FBXL7: variants seen among roughly 807,000 people sequenced by gnomAD.
FBXL7 encodes F-box and leucine rich repeat protein 7.
Under a neutral mutation model 38.3 loss-of-function variants are expected in FBXL7, and 12 were observed. The observed-to-expected ratio is 0.31, with a 90% CI of 0.20 to 0.51. The LOEUF is 0.51. FBXL7 is among the 20% of genes least tolerant of loss of function. The pLI is 0.98. For synonymous variants in FBXL7, 297 were observed against 300.9 expected, an observed-to-expected ratio of 0.99 and a Z score of 0.13; for missense variants, 567 against 676.4, an observed-to-expected ratio of 0.84 and a Z score of 1.79.
Position 15,773,182 on chromosome 5 carries a change from A to G in FBXL7, c.128-154708A>G, listed in dbSNP as rs187278099. On this transcript the variant is annotated intron_variant, in intron 2 of 3. Coordinates refer to ENST00000504595, the MANE Select transcript of FBXL7 (RefSeq NM_012304.5). ...CCCAAATCCTGGGATCACTGACCTG[A>G]GCAAACAAGCCTGGCTGTGACCCTT... 3.3e-3 allele frequency among the ~76,000 whole-genome samples: 505 copies of G among 152,248 alleles called. 1 individual carries two copies. The highest frequency in any genetic ancestry group is 5.6e-3 in the Non-Finnish European group (378 of 68,008).
intron 2 of FBXL7, among the ~76,000 whole-genome samples, chr5:15,896,420 A>G (rs1343582264): frequency 5.9e-5 from 9 of 152,204 alleles, no homozygotes; most frequent in African/African-American, 1.9e-4. Context: ...TGTTGAAAAA[A>G]GCCTCTAAAA....
intron 1 of FBXL7, among the ~76,000 whole-genome samples, chr5:15,594,064 A>G (rs1739550810): frequency 6.6e-6 from 1 of 152,226 alleles, no homozygotes; most frequent in Non-Finnish European, 1.5e-5. Context: ...GACTTTGTCC[A>G]GTGCTCACAA....
intron 2 of FBXL7, among the ~76,000 whole-genome samples, chr5:15,874,190 G>A (rs1163975500): frequency 1.3e-5 from 2 of 152,184 alleles, no homozygotes; most frequent in Admixed American, 1.3e-4. Flanking sequence ...CTCAAAAGAT[G>A]CAGAAAAAGC....
At chr5:15,524,151 A>T (rs149991557) in intron 1 of FBXL7, among the ~76,000 whole-genome samples, 1 of 152,336 alleles carries the variant, frequency 6.6e-6, no homozygotes, top group East Asian at 1.9e-4. Context: ...CCATCTGTCC[A>T]CTAAGAAGCA....
chr5:15,726,882 C>T (rs1005256314), intron 2 of FBXL7, among the ~76,000 whole-genome samples: 1 of 151,572 alleles, frequency 6.6e-6, no homozygotes, highest in African/African-American at 2.4e-5. Flanking sequence ...TTCTACATGC[C>T]ATATAGCTTT....
chr5:15,609,514 G>C (rs192966857), intron 1 of FBXL7, among the ~76,000 whole-genome samples: 151 of 152,330 alleles, frequency 9.9e-4, no homozygotes, highest in African/African-American at 3.4e-3. Context: ...CACTGTGCCA[G>C]TGTTTCTTAT....
intron 1 of FBXL7, among the ~76,000 whole-genome samples, chr5:15,541,473 ATATAT>A (rs1737750749): frequency 3.9e-5 from 5 of 128,346 alleles, no homozygotes; most frequent in Admixed American, 3.2e-4. Flanking sequence ...ATATATATAT[ATATAT>A]ATAAAGGTAT....
intron 2 of FBXL7, among the ~76,000 whole-genome samples, chr5:15,793,134 G>A (rs1241739145): frequency 6.6e-6 from 1 of 152,166 alleles, no homozygotes; most frequent in Non-Finnish European, 1.5e-5. Context: ...GCAGTGCGGT[G>A]CCACCATGTT....
At chr5:15,654,269 C>T (rs912637956) in intron 2 of FBXL7, among the ~76,000 whole-genome samples, 1 of 152,078 alleles carries the variant, frequency 6.6e-6, no homozygotes, top group East Asian at 1.9e-4. Context: ...GGAATAGCTA[C>T]CTTGATGTGC....
intron 2 of FBXL7, among the ~76,000 whole-genome samples, chr5:15,843,659 C>A (rs1022468939): frequency 1.3e-5 from 2 of 151,994 alleles, no homozygotes; most frequent in African/African-American, 4.8e-5. Context: ...TCTAAAATTT[C>A]TAAGAATTTG....
chr5:15,917,336 T>TA (rs908993241), intron 2 of FBXL7, among the ~76,000 whole-genome samples: 44 of 151,458 alleles, frequency 2.9e-4, no homozygotes, highest in Non-Finnish European at 4.9e-4. Context: ...GATTTTGAAA[T>TA]AAAAAAAAAT....
intron 1 of FBXL7, among the ~76,000 whole-genome samples, chr5:15,595,659 T>C (rs2059900): frequency 0.83 from 125,814 of 152,140 alleles, 52,217 homozygotes; most frequent in South Asian, 0.88. Context: ...AAATCTGGGA[T>C]ACCATTTTAT....
intron 2 of FBXL7, among the ~76,000 whole-genome samples, chr5:15,747,307 C>T (rs1736040809): frequency 6.6e-6 from 1 of 152,174 alleles, no homozygotes; most frequent in African/African-American, 2.4e-5. Context: ...GGTGGTACGG[C>T]TCTACCAATC....
chr5:15,867,360 C>T (rs548920352), intron 2 of FBXL7, among the ~76,000 whole-genome samples: 1 of 152,180 alleles, frequency 6.6e-6, no homozygotes, highest in Non-Finnish European at 1.5e-5. Flanking sequence ...CTCAAACACA[C>T]GTCCTACAGA....
rs375806094 is a variant in FBXL7, at chr5:15,921,342, T to C, written c.128-6548T>C. ...GTTGCAGTGAGCTGAGATGGCACCA[T>C]TGCACTCCAGCCTGGGTGACAGAAC... On this transcript the variant is annotated intron_variant, in intron 2 of 3. Coordinates refer to ENST00000504595, the MANE Select transcript of FBXL7 (RefSeq NM_012304.5). Among the ~76,000 whole-genome samples, 393 of 146,498 alleles carry C rather than the reference T, an allele frequency of 2.7e-3. 3 individuals carry two copies. The highest frequency in any genetic ancestry group is 9.4e-3 in the African/African-American group (369 of 39,282).
At chr5:15,767,988 G>T (rs540401407) in intron 2 of FBXL7, among the ~76,000 whole-genome samples, 1 of 152,202 alleles carries the variant, frequency 6.6e-6, no homozygotes, top group East Asian at 1.9e-4. Flanking sequence ...TAGTAAATTT[G>T]TCATGATTTT....
In FBXL7 at chr5:15,714,405, G is replaced by C. The variant is rs114318474; in HGVS notation, c.127+98333G>C. Among the ~76,000 whole-genome samples, 1,486 of 152,234 alleles carry C rather than the reference G, an allele frequency of 9.8e-3. 27 individuals are homozygous for C. Among genetic ancestry groups the C allele is most frequent in the African/African-American group, 0.034 (1,423 of 41,518 alleles). ...CTTCCAGTACAGCCTGTAGCACTGT[G>C]ATCCAATGAAACCTCTTTTCTTTAT... is the stretch of plus-strand genomic sequence containing the variant. On this transcript the variant is annotated intron_variant, in intron 2 of 3. Transcript: ENST00000504595.
intron 2 of FBXL7, among the ~76,000 whole-genome samples, chr5:15,853,009 T>C (rs767697256): frequency 1.3e-5 from 2 of 152,210 alleles, no homozygotes; most frequent in Non-Finnish European, 2.9e-5. Flanking sequence ...TTTAGATATA[T>C]TGATTTATTT....
intron 1 of FBXL7, among the ~76,000 whole-genome samples, chr5:15,612,528 TATTTTG>T (rs1740282163): frequency 6.6e-6 from 1 of 152,096 alleles, no homozygotes. Flanking sequence ...TTTGTTGTTT[TATTTTG>T]TGCTTTCATT....
Sources: gnomAD v4.1 joint callset for allele counts (sites outside exome capture counted in the v4.1 genomes callset) on GRCh38, gnomAD v4.1.1 for gene constraint, MANE v1.5 for transcripts, NCBI Gene and HGNC (gene_info 2026-07-23, HGNC 2026-07-21) for gene names.